The following ANO8 variants were observed in gnomAD, a reference collection of about 807,000 sequenced individuals.
ANO8 encodes anoctamin-8.
In ANO8, 67 loss-of-function variants were observed where a neutral mutation model predicts 120.4. That is an observed-to-expected ratio of 0.56 (90% CI 0.46 to 0.68). The LOEUF is 0.68. ANO8 is among the 30% of genes least tolerant of loss of function. The pLI, the probability that ANO8 is intolerant of heterozygous loss-of-function variation, is 0.00. For missense variants in ANO8, 1,526 were observed against 1,737.6 expected, an observed-to-expected ratio of 0.88 and a Z score of 2.16; for synonymous variants, 727 against 759.2, an observed-to-expected ratio of 0.96 and a Z score of 0.70.
At chr19:17,330,537 G>T in intron 8 of ANO8, 33 bp from the exon 9 acceptor site, 1 of 1,479,616 alleles carries the variant, frequency 6.8e-7, no homozygotes. Context: ...CCCAGCATGA[G>T]CTCAGAGGGG....
At chr19:17,324,052 C>A (rs1378669997) in intron 17 of ANO8, among the ~76,000 whole-genome samples, 168 bp from the exon 18 acceptor site, 2 of 83,280 alleles carry the variant, frequency 2.4e-5, no homozygotes, top group Non-Finnish European at 4.6e-5. Flanking sequence ...CCGGTGCATA[C>A]CCTGCCTCTG....
chr19:17,327,803 C>T lies in ANO8; in HGVS notation c.2304G>A (p.Ala768=). The change falls in exon 14 of 18, where the codon GCG becomes GCA. Residue 768 remains alanine, a synonymous_variant. Transcript: ENST00000159087. ...VVLFSSAFPL[A]ALCALVNNLI... is the part of the protein sequence containing the mutation. ...GGTTGTTGACCAGGGCGCACAGCGC[C>T]GCCAGGGGGAAGGCGGACGAGAAGA... 3 of 1,614,208 alleles carry T rather than the reference C, an allele frequency of 1.9e-6. No individual in the cohort carries two copies. The highest frequency in any genetic ancestry group is 1.7e-6 in the Non-Finnish European group (2 of 1,180,010).
rs1386343313 is a variant in ANO8 at position 17,332,981 on chromosome 19, T to C, written c.535A>G (p.Lys179Glu). ...IRFWLQNLRA[K>E]QGEALHNVRF... Reference sequence around the variant, plus strand: ...ACGTTGTGGAGTGCTTCTCCCTGCTTGGCACGCAAATTCTGCAGCCAGAAG... The same window carrying C: ...ACGTTGTGGAGTGCTTCTCCCTGCTCGGCACGCAAATTCTGCAGCCAGAAG... Residue 179 changes from lysine (K) to glutamate (E), a missense_variant, in exon 5 of 18, where the codon AAG becomes GAG. This residue lies in a region of ANO8 where 322 missense variants were observed against 431.8 expected (regional missense o/e 0.75). Coordinates refer to ENST00000159087, the MANE Select transcript of ANO8 (RefSeq NM_020959.3). 1.2e-6 allele frequency: 2 copies of C among 1,614,072 alleles called. No individual in the cohort carries two copies. Among genetic ancestry groups the C allele is most frequent in the African/African-American group, 2.7e-5 (2 of 74,938 alleles).
chr19:17,323,741 C>T lies in ANO8; in HGVS notation c.3475G>A (p.Gly1159Ser). Residue 1159 changes from glycine to serine, a missense_variant, in exon 18 of 18, where the codon GGC (glycine) becomes AGC (serine). Physicochemically the swap from Gly to Ser is moderately conservative, Grantham distance 56. Transcript: ENST00000159087. ...GCCTGGCGGGGGGCGGCACCCTCGC[C>T]CCCGCAGCCCCAGGGCCCGTCCCAC... ...WQWDGPWGCG[G>S]EGAAPRQALA... is the part of the protein sequence containing the mutation. The T allele has an allele frequency of 4.2e-6, 5 of 1,202,422 alleles. No individual in the cohort carries two copies. The highest frequency in any genetic ancestry group is 5.2e-6 in the Non-Finnish European group (5 of 968,368). The allele number at this position is 1,202,422 out of a possible 1,614,324, so 74.5% of individuals were successfully genotyped here.
Position 17,333,823 on chromosome 19 carries a change from C to G in ANO8, c.107-23G>C. The G allele has an allele frequency of 1.3e-6, 2 of 1,555,660 alleles. No homozygotes were observed. Among genetic ancestry groups the G allele is most frequent in the Non-Finnish European group, 8.7e-7 (1 of 1,149,218 alleles). On this transcript the variant is annotated intron_variant, in intron 1 of 17. Coordinates refer to ENST00000159087, the MANE Select transcript of ANO8 (RefSeq NM_020959.3). This position sits in a 1 kb window ranked among gnomAD's most constrained non-coding sequence, Gnocchi z 7.2. The stretch of plus-strand genomic sequence containing the variant: ...TATCTAGGGGGCGGCGTAGCAGGCC[C>G]GGGTCAGGCCACTCTGGGATCCGGA...
At chr19:17,324,283 C>T (rs1484619417) in intron 17 of ANO8, among the ~76,000 whole-genome samples, 2 of 152,036 alleles carry the variant, frequency 1.3e-5, no homozygotes, top group Non-Finnish European at 2.9e-5. Context: ...GGGTGGGCAG[C>T]CCCAGCCCCA....
At position 17,327,231 on chromosome 19, in the gene ANO8, C is replaced by A. The variant is rs762144992; in HGVS notation, c.2661+4G>T. 2 of 1,530,362 alleles carry A rather than the reference C, an allele frequency of 1.3e-6. No individual in the cohort carries two copies. Among genetic ancestry groups the A allele is most frequent in the East Asian group, 2.5e-5 (1 of 40,516 alleles). The allele number at this position is 1,530,362 out of a possible 1,614,324, so 94.8% of individuals were successfully genotyped here. A position where few individuals can be genotyped will look rare whatever the true frequency, so the allele number is the denominator to read the frequency against. ...GAAAACCGAGCCCAGCCTGGCCCCC[C>A]TACCTTAAAGGCCTCGCGGCGCTGG... On this transcript the variant is annotated splice_donor_region_variant and intron_variant, in intron 16 of 17. Coordinates refer to ENST00000159087, the MANE Select transcript of ANO8 (RefSeq NM_020959.3).
chr19:17,330,822 A>G lies in ANO8; in HGVS notation c.993+6T>C. ...TCCATGACCCTGGACTCAGCCCCCA[A>G]CTGACCCTGAACTGGGGGCGTGGCT... On this transcript the variant is annotated splice_donor_region_variant and intron_variant, in intron 8 of 17. Coordinates refer to ENST00000159087, the MANE Select transcript of ANO8 (RefSeq NM_020959.3). 6.2e-7 allele frequency: 1 copy of G among 1,612,538 alleles called. No homozygotes were observed. Among genetic ancestry groups the G allele is most frequent in the Non-Finnish European group, 8.5e-7 (1 of 1,179,146 alleles).
rs766074988 is a variant in ANO8, at chr19:17,330,346, G to C, written c.1146+6C>G. 6.2e-7 allele frequency: 1 copy of C among 1,604,260 alleles called. No homozygotes were observed. The highest frequency in any genetic ancestry group is 1.3e-5 in the African/African-American group (1 of 74,868). On this transcript the variant is annotated splice_donor_region_variant and intron_variant, in intron 9 of 17. Coordinates refer to ENST00000159087, the MANE Select transcript of ANO8 (RefSeq NM_020959.3). Reference sequence around the variant, plus strand: ...GGACAGGGCGGGTGAGGGTATGGGGGGTCACCTGCAGCTGGAAGCAGCCAA... The same window carrying C: ...GGACAGGGCGGGTGAGGGTATGGGGCGTCACCTGCAGCTGGAAGCAGCCAA...
chr19:17,329,230 A>C (rs1311921202), intron 12 of ANO8: 6 of 438,204 alleles, frequency 1.4e-5, no homozygotes, highest in African/African-American at 2.1e-5. Flanking sequence ...TCTCCACCCC[A>C]CCGCGGGCTC....
Position 17,328,652 on chromosome 19 carries a change from C to G in ANO8, c.1736G>C (p.Gly579Ala), listed in dbSNP as rs933756033. The change falls in exon 13 of 18, where the codon GGG (glycine) becomes GCG (alanine). Residue 579 changes from glycine to alanine, a missense_variant. By Grantham distance (60) the Gly-to-Ala change is moderately conservative. Around this residue, in one of 8 missense-constraint regions of ANO8, gnomAD observed 467 missense variants for 425.8 expected, o/e 1.10. Coordinates refer to ENST00000159087, the MANE Select transcript of ANO8 (RefSeq NM_020959.3). ...EGGEEGDGPP[G>A]GKEEDEDDEE... ...GTCGTCCTCGTCCTCCTCCTTGCCC[C>G]CTGGAGGCCCGTCCCCCTCCTCCCC... is the stretch of plus-strand genomic sequence containing the variant. The G allele has an allele frequency of 1.4e-6, 2 of 1,476,984 alleles. No individual in the cohort carries two copies. Among genetic ancestry groups the G allele is most frequent in the Non-Finnish European group, 1.8e-6 (2 of 1,106,698 alleles). 91.5% of individuals were successfully genotyped at this position (1,476,984 alleles called of 1,614,324 possible).
rs750275390 is a variant in ANO8 at position 17,329,749 on chromosome 19, G to T, written c.1404+8C>A. ...CAGGGGGGACTGCCGCTGGGGCGGGGGTCTCACCTCTTTCAAGCGCTCCAT... is the reference window on the plus strand; with the variant it reads ...CAGGGGGGACTGCCGCTGGGGCGGGTGTCTCACCTCTTTCAAGCGCTCCAT... On this transcript the variant is annotated splice_region_variant and intron_variant, in intron 12 of 17. Coordinates refer to ENST00000159087, the MANE Select transcript of ANO8 (RefSeq NM_020959.3). The T allele has an allele frequency of 1.9e-6, 3 of 1,609,378 alleles. No individual in the cohort carries two copies. The highest frequency in any genetic ancestry group is 2.5e-6 in the Non-Finnish European group (3 of 1,178,256).
Position 17,334,507 on chromosome 19 carries a change from T to C in ANO8, c.106+58A>G, listed in dbSNP as rs1445331325. 12 of 1,388,224 alleles carry C rather than the reference T, an allele frequency of 8.6e-6. No homozygotes were observed. The South Asian group carries it at 1.3e-4, about 15-fold the overall frequency. 86.0% of individuals were successfully genotyped at this position (1,388,224 alleles called of 1,614,324 possible). A position where few individuals can be genotyped will look rare whatever the true frequency, so the allele number is the denominator to read the frequency against. On this transcript the variant is annotated intron_variant, in intron 1 of 17. Coordinates refer to ENST00000159087, the MANE Select transcript of ANO8 (RefSeq NM_020959.3). ...GACCCTGATCCTCCTCCCCGTGTAG[T>C]TGACGCGGGCTCCCCAGGCACCTGC...
rs1276996785 is a variant in ANO8, at chr19:17,329,032, C to T, written c.1405-49G>A. ...AGAGGCGCGTGGGGGGCAAGCGGGG[C>T]GCCGGGATCGGGGGACTCACCCTCC... On this transcript the variant is annotated intron_variant, in intron 12 of 17. Coordinates refer to ENST00000159087, the MANE Select transcript of ANO8 (RefSeq NM_020959.3). 25 of 1,376,622 alleles carry T rather than the reference C, an allele frequency of 1.8e-5. No individual in the cohort carries two copies. The East Asian group carries it at 7.7e-4, about 42-fold the overall frequency. The allele number at this position is 1,376,622 out of a possible 1,614,324, so 85.3% of individuals were successfully genotyped here.
chr19:17,324,371 C>G (rs968676130), intron 17 of ANO8, among the ~76,000 whole-genome samples: 13 of 152,134 alleles, frequency 8.5e-5, no homozygotes, highest in African/African-American at 1.4e-4. Context: ...AAGTCCCCCC[C>G]AAGAGTGAGC....
At position 17,324,934 on chromosome 19, in the gene ANO8, G is replaced by A. The variant is rs1489566787; in HGVS notation, c.3114C>T (p.Asp1038=). ...TGGGCGGTGAGTGGCTGCGCTCAGA[G>A]TCCCGCCGGGTCTCGGGTGACTTGA... is the stretch of plus-strand genomic sequence containing the variant. ...KFLKSPETRR[D]SERSHSPPKA... The change falls in exon 17 of 18, where the codon GAC becomes GAT. Residue 1038 remains aspartate (D), a synonymous_variant. Transcript: ENST00000159087. 4 of 1,613,178 alleles carry A rather than the reference G, an allele frequency of 2.5e-6. No homozygotes were observed. In the South Asian group the frequency reaches 4.4e-5, roughly 18 times the overall value.
chr19:17,329,337 G>A (rs1248205462), intron 12 of ANO8: 1 of 334,630 alleles, frequency 3.0e-6, no homozygotes, highest in Middle Eastern at 8.1e-4. Flanking sequence ...CCCTCAGCTC[G>A]GCGCGCCAGG....
At chr19:17,329,076 C>T in intron 12 of ANO8, 93 bp from the exon 13 acceptor site, 1 of 1,044,698 alleles carries the variant, frequency 9.6e-7, no homozygotes, top group East Asian at 3.2e-5. Flanking sequence ...CCCGCCGGAG[C>T]ACCGTGCCCA....
In ANO8 at chr19:17,328,379, G is replaced by A; in HGVS notation, c.2009C>T (p.Pro670Leu). ...DDEAEGAPGSPEREPPAILFR... is the reference protein window; with the variant it reads ...DDEAEGAPGSLEREPPAILFR... Reference sequence around the variant, plus strand: ...CAAGATGGCCGGGGGCTCCCGTTCAGGGCTGCCGGGAGCCCCCTCCGCCTC... The same window carrying A: ...CAAGATGGCCGGGGGCTCCCGTTCAAGGCTGCCGGGAGCCCCCTCCGCCTC... Residue 670 changes from proline to leucine, a missense_variant, in exon 13 of 18, where the codon CCT becomes CTT. By Grantham distance (98) the Pro-to-Leu change is moderately conservative. Coordinates refer to ENST00000159087, the MANE Select transcript of ANO8 (RefSeq NM_020959.3). 6.4e-7 allele frequency: 1 copy of A among 1,573,110 alleles called. No individual in the cohort carries two copies. The highest frequency in any genetic ancestry group is 8.6e-7 in the Non-Finnish European group (1 of 1,164,056).
Sources: gnomAD v4.1 joint callset for allele counts (sites outside exome capture counted in the v4.1 genomes callset) on GRCh38, gnomAD v4.1.1 for gene constraint, gnomAD v4.1.1 regional missense constraint, Gnocchi (gnomAD v3.1) non-coding constraint, MANE v1.5 for transcripts, NCBI Gene and HGNC (gene_info 2026-07-23, HGNC 2026-07-21) for gene names.